Variants in ANK1 observed in about 807,000 individuals in gnomAD.
ANK1 encodes the protein ankyrin-1.
A neutral mutation model predicts 210.4 loss-of-function variants in ANK1; 51 were observed. That is an observed-to-expected ratio of 0.24 (90% confidence interval 0.19 to 0.31). The LOEUF (loss-of-function observed/expected upper bound fraction) is 0.31. Ranked by LOEUF, ANK1 falls within the 10% of genes least tolerant of loss-of-function variation. The pLI is 1.00. For missense variants in ANK1, 2,051 were observed against 2,504.4 expected (o/e 0.82, Z 3.86); for synonymous variants, 967 against 1,025.9 (o/e 0.94, Z 1.10).
At chr8:41,886,098 G>A (rs1818393178) in intron 1 of ANK1, among the ~76,000 whole-genome samples, 2 of 152,136 alleles carry the variant, frequency 1.3e-5, no homozygotes, top group Non-Finnish European at 2.9e-5. Flanking sequence ...AAACTCCAAG[G>A]CCCACATTTT....
chr8:41,762,973 T>C lies in ANK1; in HGVS notation c.28-4836A>G, dbSNP rs940988756. Among the ~76,000 whole-genome samples the C allele has an allele frequency of 2.6e-5, 4 of 152,140 alleles. No homozygotes were observed. The East Asian group carries it at 7.7e-4, about 29-fold the overall frequency. On this transcript the variant is annotated intron_variant, in intron 1 of 42. Transcript: ENST00000289734. ...GGTGGTTCCTGTAATCTCAGCACTT[T>C]GGGAGGCCAAGGCAGATGGATCACT...
chr8:41,885,244 T>C (rs544926570), intron 1 of ANK1, among the ~76,000 whole-genome samples: 19 of 152,240 alleles, frequency 1.2e-4, no homozygotes, highest in African/African-American at 4.6e-4. Flanking sequence ...CATAAAGTTT[T>C]TCCGTCTGTG....
intron 1 of ANK1, among the ~76,000 whole-genome samples, chr8:41,832,666 G>A (rs1190681740): frequency 1.3e-5 from 2 of 152,222 alleles, no homozygotes; most frequent in Non-Finnish European, 2.9e-5. Flanking sequence ...ACCCCTCCCT[G>A]CAAGGGAGAT....
intron 1 of ANK1, among the ~76,000 whole-genome samples, chr8:41,811,959 A>G (rs1212465807): frequency 6.6e-6 from 1 of 152,206 alleles, no homozygotes; most frequent in Non-Finnish European, 1.5e-5. Flanking sequence ...TGAATATTTA[A>G]TGATCCAGCT....
chr8:41,658,056 A>G (rs1224585642), intron 42 of ANK1, among the ~76,000 whole-genome samples: 1 of 151,994 alleles, frequency 6.6e-6, no homozygotes, highest in Middle Eastern at 3.2e-3. Context: ...TAATTTTTAA[A>G]CTTTTTTTGT....
At chr8:41,776,250 G>C (rs1844012209) in intron 1 of ANK1, among the ~76,000 whole-genome samples, 1 of 152,110 alleles carries the variant, frequency 6.6e-6, no homozygotes, top group South Asian at 2.1e-4. Context: ...TTAATAATGT[G>C]GCCATTCTCT....
intron 1 of ANK1, among the ~76,000 whole-genome samples, chr8:41,851,177 T>G (rs1407279953): frequency 2.0e-5 from 3 of 152,172 alleles, no homozygotes; most frequent in Non-Finnish European, 4.4e-5. Flanking sequence ...ATCGACCAAA[T>G]CATGATCAAT....
chr8:41,674,290 C>A (rs1813458486), intron 37 of ANK1, among the ~76,000 whole-genome samples: 1 of 152,158 alleles, frequency 6.6e-6, no homozygotes, highest in Non-Finnish European at 1.5e-5. Context: ...GATGACAAAC[C>A]CCAAACACAC....
At chr8:41,812,676 T>C (rs530729032) in intron 1 of ANK1, among the ~76,000 whole-genome samples, 8 of 152,360 alleles carry the variant, frequency 5.3e-5, no homozygotes, top group Non-Finnish European at 5.9e-5. Flanking sequence ...CCCAAGCTTT[T>C]TGGCACCAGG....
chr8:41,891,393 G>C (rs951689048), intron 1 of ANK1, among the ~76,000 whole-genome samples: 7 of 152,096 alleles, frequency 4.6e-5, no homozygotes, highest in African/African-American at 1.7e-4. Context: ...AGGCCAGCTC[G>C]TGTCCCCTGC....
At chr8:41,745,419 G>T (rs1835862537) in intron 2 of ANK1, among the ~76,000 whole-genome samples, 1 of 152,230 alleles carries the variant, frequency 6.6e-6, no homozygotes, top group African/African-American at 2.4e-5. Flanking sequence ...AACAGGGACA[G>T]GAAGTGTAGA....
chr8:41,763,171 G>C (rs750567535), intron 1 of ANK1, among the ~76,000 whole-genome samples: 3 of 148,956 alleles, frequency 2.0e-5, no homozygotes, highest in Non-Finnish European at 4.4e-5. Flanking sequence ...CTGAGATTGC[G>C]GCACTGCACT....
intron 39 of ANK1, chr8:41,664,340 G>C (rs1047899970): frequency 5.7e-5 from 21 of 369,258 alleles, no homozygotes; most frequent in Non-Finnish European, 1.1e-4. Flanking sequence ...AGGCATGGTG[G>C]TGTGTGCCTG....
intron 38 of ANK1, among the ~76,000 whole-genome samples, chr8:41,671,919 C>T (rs1056663636): frequency 2.1e-5 from 3 of 145,838 alleles, no homozygotes; most frequent in African/African-American, 7.7e-5. Flanking sequence ...CCTAAGTGAG[C>T]CCTCCCAGTG....
At chr8:41,883,558 C>T (rs551629966) in intron 1 of ANK1, among the ~76,000 whole-genome samples, 14 of 152,180 alleles carry the variant, frequency 9.2e-5, no homozygotes, top group Non-Finnish European at 1.8e-4. Flanking sequence ...CTCCTGGGTT[C>T]AAGTGATCCT....
chr8:41,797,666 G>T (rs941851029), upstream of ANK1: 4 of 1,379,500 alleles, frequency 2.9e-6, no homozygotes, highest in Non-Finnish European at 3.8e-6. This position sits in a 1 kb window ranked among gnomAD's most constrained non-coding sequence, Gnocchi z 4.0. Flanking sequence ...GGGCCTTATC[G>T]GCCCCAGAGG....
intron 1 of ANK1, among the ~76,000 whole-genome samples, chr8:41,818,894 C>T (rs1444460535): frequency 1.3e-5 from 2 of 152,200 alleles, no homozygotes; most frequent in Non-Finnish European, 2.9e-5. Flanking sequence ...ACGCCCACAG[C>T]TGCACAGATA....
At chr8:41,742,062 G>T (rs1336852219) in intron 2 of ANK1, among the ~76,000 whole-genome samples, 2 of 152,216 alleles carry the variant, frequency 1.3e-5, no homozygotes, top group African/African-American at 4.8e-5. Flanking sequence ...ACCTCAGCTA[G>T]GCTATGTTTC....
chr8:41,860,467 C>T (rs949343498), intron 1 of ANK1, among the ~76,000 whole-genome samples: 1 of 152,158 alleles, frequency 6.6e-6, no homozygotes, highest in African/African-American at 2.4e-5. Context: ...AGTTATGAGC[C>T]CCTGTGAATG....
Sources: allele counts gnomAD v4.1 joint callset (sites outside exome capture counted in the v4.1 genomes callset), GRCh38; gene constraint gnomAD v4.1.1; non-coding constraint Gnocchi (gnomAD v3.1); transcripts MANE v1.5; gene names NCBI Gene and HGNC (gene_info 2026-07-23, HGNC 2026-07-21).